NTRK3: variants seen among roughly 807,000 people sequenced by gnomAD.
NTRK3 encodes the protein NT-3 growth factor receptor.
A neutral mutation model predicts 91.7 loss-of-function variants in NTRK3; 24 were observed. That is an observed-to-expected ratio of 0.26 (90% CI 0.19 to 0.37). The LOEUF (loss-of-function observed/expected upper bound fraction) is 0.37, where lower values mean the gene tolerates loss of function less well. Ranked by LOEUF, NTRK3 falls within the 10% of genes least tolerant of loss-of-function variation. The pLI is 1.00. For synonymous variants in NTRK3, 483 were observed against 404.0 expected (o/e 1.20, Z -2.34); for missense variants, 880 against 1,068.9 (o/e 0.82, Z 2.46).
At chr15:87,873,105 T>A (rs2064865692) in exon 19 of NTRK3, 1 of 232,538 alleles carries the variant, frequency 4.3e-6, no homozygotes, top group Non-Finnish European at 8.5e-6. Flanking sequence ...CCCGTTGGTG[T>A]TGGTTTCTGC....
At position 88,076,388 on chromosome 15, in the gene NTRK3, G is replaced by T. The variant is rs147810253; in HGVS notation, c.1397-43343C>A. Among the ~76,000 whole-genome samples the T allele has an allele frequency of 6.5e-3, 987 of 152,248 alleles. 13 individuals carry two copies. The highest frequency in any genetic ancestry group is 0.022 in the African/African-American group (934 of 41,548). The stretch of plus-strand genomic sequence containing the variant: ...CAATTCAAGATGAGATTTGGGTGGG[G>T]AGACAGCCAAACCATATCAGAGCAG... On this transcript the variant is annotated intron_variant, in intron 13 of 18. Coordinates refer to ENST00000394480, the Ensembl canonical transcript of NTRK3.
Position 88,233,288 on chromosome 15 carries a change from T to C in NTRK3, c.248+22618A>G, listed in dbSNP as rs1341828597. On this transcript the variant is annotated intron_variant, in intron 3 of 18. Transcript: ENST00000394480. This position sits in a 1 kb window ranked among gnomAD's most constrained non-coding sequence, Gnocchi z 4.2. ...CAGGACTTCATTTGCAGAGATATTA[T>C]AATGCAGATCACTTGTGAAACACCT... 6.6e-6 allele frequency among the ~76,000 whole-genome samples: 1 copy of C among 152,176 alleles called. No individual in the cohort carries two copies. Among genetic ancestry groups the C allele is most frequent in the African/African-American group, 2.4e-5 (1 of 41,434 alleles).
At chr15:87,909,243 A>C (rs2066944964) in intron 17 of NTRK3, among the ~76,000 whole-genome samples, 1 of 152,148 alleles carries the variant, frequency 6.6e-6, no homozygotes. Flanking sequence ...GCTCCTAAGC[A>C]AGGCCTTTCC....
At chr15:87,876,906 G>C (rs1331904472) in exon 19 of NTRK3, 1 of 1,612,420 alleles carries the variant, frequency 6.2e-7, no homozygotes, top group Non-Finnish European at 8.5e-7. Context: ...GGAGGCAACA[G>C]AGTATGAATT....
At chr15:87,868,442 A>G (rs2064745318) in exon 19 of NTRK3, 1 of 220,464 alleles carries the variant, frequency 4.5e-6, no homozygotes, top group Non-Finnish European at 9.1e-6. Flanking sequence ...TATTATTTAA[A>G]TGAAAGACAA....
At chr15:88,026,724 T>C (rs1401825101) in intron 14 of NTRK3, among the ~76,000 whole-genome samples, 1 of 152,228 alleles carries the variant, frequency 6.6e-6, no homozygotes, top group Non-Finnish European at 1.5e-5. Flanking sequence ...AAAACTGTAG[T>C]GACAGGTGGG....
intron 3 of NTRK3, among the ~76,000 whole-genome samples, chr15:88,230,962 G>A (rs1370279519): frequency 6.6e-6 from 1 of 152,184 alleles, no homozygotes. Flanking sequence ...TCAGAACATG[G>A]CCAAGTCTTG....
chr15:87,908,416 C>T (rs907566990), intron 17 of NTRK3: 79 of 398,928 alleles, frequency 2.0e-4, no homozygotes, highest in Non-Finnish European at 3.1e-4. Context: ...CTCTCCAAAG[C>T]CTGCAAGCTG....
intron 13 of NTRK3, among the ~76,000 whole-genome samples, chr15:88,071,355 T>C (rs114795414): frequency 0.015 from 2,341 of 152,368 alleles, 50 homozygotes; most frequent in African/African-American, 0.047. Flanking sequence ...GGAGCCACAG[T>C]GCCTGCTGCC....
At chr15:88,036,183 T>G (rs2079054001) in intron 13 of NTRK3, among the ~76,000 whole-genome samples, 1 of 152,090 alleles carries the variant, frequency 6.6e-6, no homozygotes, top group Non-Finnish European at 1.5e-5. Context: ...TGAATGTATG[T>G]GCACATACAC....
intron 14 of NTRK3, among the ~76,000 whole-genome samples, chr15:87,950,464 C>A (rs918206080): frequency 6.6e-6 from 1 of 151,992 alleles, no homozygotes; most frequent in Admixed American, 6.6e-5. Context: ...ACAACAGACA[C>A]GAAGAAAAGA....
At chr15:87,974,007 G>A (rs1434227999) in intron 14 of NTRK3, among the ~76,000 whole-genome samples, 1 of 152,182 alleles carries the variant, frequency 6.6e-6, no homozygotes, top group Non-Finnish European at 1.5e-5. Flanking sequence ...CAACAATGAA[G>A]TCGTCCTGCA....
intron 14 of NTRK3, among the ~76,000 whole-genome samples, chr15:87,949,743 C>T (rs910470090): frequency 2.0e-5 from 3 of 152,190 alleles, no homozygotes; most frequent in Non-Finnish European, 4.4e-5. Flanking sequence ...TTCCTGGTCT[C>T]TATATTCTGT....
Position 88,255,628 on chromosome 15 carries a change from C to T in NTRK3, c.248+278G>A, listed in dbSNP as rs1200026853. 2.0e-5 allele frequency among the ~76,000 whole-genome samples: 3 copies of T among 152,186 alleles called. No individual in the cohort carries two copies. The highest frequency in any genetic ancestry group is 6.5e-5 in the Admixed American group (1 of 15,286). ...AACGAGCCAGCAACTGGTTGGGAGG[C>T]GGGCGGTAGCTGGGCCCCGCGTGCC... On this transcript the variant is annotated intron_variant, in intron 3 of 18. Transcript: ENST00000394480. The surrounding 1 kb of genome is among the most constrained non-coding windows in gnomAD (Gnocchi z 4.3).
At chr15:87,879,324 G>A (rs1198123901) in intron 18 of NTRK3, among the ~76,000 whole-genome samples, 2 of 152,130 alleles carry the variant, frequency 1.3e-5, no homozygotes, top group African/African-American at 4.8e-5. Flanking sequence ...TGTTTCATAG[G>A]GATGTTTCAT....
intron 5 of NTRK3, among the ~76,000 whole-genome samples, chr15:88,180,701 G>T (rs1208467642): frequency 1.1e-5 from 1 of 92,582 alleles, no homozygotes; most frequent in Non-Finnish European, 2.2e-5. Context: ...AAAAAAAAAA[G>T]CCACCAAGCC....
intron 13 of NTRK3, among the ~76,000 whole-genome samples, chr15:88,055,440 C>G (rs1274772138): frequency 2.0e-5 from 3 of 152,166 alleles, no homozygotes; most frequent in African/African-American, 7.2e-5. Flanking sequence ...AATCAAATAA[C>G]ATATTTCCTG....
intron 5 of NTRK3, among the ~76,000 whole-genome samples, chr15:88,165,261 G>A (rs1413673265): frequency 6.6e-6 from 1 of 152,174 alleles, no homozygotes; most frequent in African/African-American, 2.4e-5. Flanking sequence ...TTTGTGCAAA[G>A]TGGAAGGAAT....
chr15:87,949,062 C>T (rs1019052496), intron 14 of NTRK3, among the ~76,000 whole-genome samples: 1 of 152,150 alleles, frequency 6.6e-6, no homozygotes, highest in African/African-American at 2.4e-5. Context: ...TAGGTACCCA[C>T]TAACTATATG....
Sources: allele counts gnomAD v4.1 joint callset (sites outside exome capture counted in the v4.1 genomes callset), GRCh38; gene constraint gnomAD v4.1.1; non-coding constraint Gnocchi (gnomAD v3.1); transcripts MANE v1.5; gene names NCBI Gene and HGNC (gene_info 2026-07-23, HGNC 2026-07-21).